The following PCDHGA1 variants were observed in gnomAD, a reference collection of about 807,000 sequenced individuals.
The protein encoded by PCDHGA1 is protocadherin gamma subfamily A, 1, also known as protocadherin gamma-A1.
PCDHGA1 carries 32 observed loss-of-function variants against 58.0 expected under a neutral mutation model. The ratio of observed to expected loss-of-function variants is 0.55; its 90% CI spans 0.42 to 0.74. PCDHGA1 has a LOEUF of 0.74. PCDHGA1 is among the 30% of genes least tolerant of loss of function. The probability of loss-of-function intolerance (pLI) is 0.00; values close to 1 mark genes in which losing one functional copy is unlikely to be tolerated. For missense variants in PCDHGA1, 1,205 were observed against 1,182.3 expected (o/e 1.02, Z -0.28); for synonymous variants, 498 against 501.1 (o/e 0.99, Z 0.08).
intron 1 of PCDHGA1, chr5:141,400,270 T>G: frequency 6.2e-7 from 1 of 1,614,058 alleles, no homozygotes; most frequent in Non-Finnish European, 8.5e-7. Flanking sequence ...GCGACGCTCC[T>G]CCAGCCCTGC....
intron 1 of PCDHGA1, chr5:141,345,270 G>C (rs760387404): frequency 6.2e-7 from 1 of 1,613,894 alleles, no homozygotes; most frequent in Non-Finnish European, 8.5e-7. Flanking sequence ...CCTGGACCGC[G>C]AACAAATATC....
At chr5:141,421,305 G>A in intron 1 of PCDHGA1, 23 of 1,613,652 alleles carry the variant, frequency 1.4e-5, no homozygotes, top group Non-Finnish European at 1.9e-5. Context: ...CGCTGCGGGG[G>A]TTCCGGGCCA....
chr5:141,341,547 T>G lies in PCDHGA1; in HGVS notation c.2421+8442T>G, dbSNP rs1274385616. The stretch of plus-strand genomic sequence containing the variant: ...TGGTGAATTATTTCTTGGTAGGTCT[T>G]AGTGTTCACAGGCTGTAAGAGGAAG... On this transcript the variant is annotated intron_variant, in intron 1 of 3. Coordinates refer to ENST00000517417, the MANE Select transcript of PCDHGA1 (RefSeq NM_018912.3). 4 of 1,431,758 alleles carry G rather than the reference T, an allele frequency of 2.8e-6. No homozygotes were observed. In the East Asian group the frequency reaches 9.6e-5, roughly 34 times the overall value. 88.7% of individuals were successfully genotyped at this position (1,431,758 alleles called of 1,614,324 possible).
Position 141,331,902 on chromosome 5 carries a change from T to C in PCDHGA1, c.1218T>C (p.Thr406=). 6.2e-7 allele frequency: 1 copy of C among 1,614,194 alleles called. No individual in the cohort carries two copies. Among genetic ancestry groups the C allele is most frequent in the Non-Finnish European group, 8.5e-7 (1 of 1,180,040 alleles). ...TTGATAATTATTACCGTTTAGTGACTGAAAGAACACTGGACAGAGAACTTA... is the reference window on the plus strand; with the variant it reads ...TTGATAATTATTACCGTTTAGTGACCGAAAGAACACTGGACAGAGAACTTA... ...KLVDNYYRLV[T]ERTLDRELIS... The change falls in exon 1 of 4, where the codon ACT becomes ACC. Residue 406 remains threonine, a synonymous_variant. Transcript: ENST00000517417.
chr5:141,428,090 G>A (rs1415146154), intron 1 of PCDHGA1: 1 of 1,608,870 alleles, frequency 6.2e-7, no homozygotes, highest in Non-Finnish European at 8.5e-7. Flanking sequence ...ACGCTTGGCT[G>A]TCCTACCACG....
intron 1 of PCDHGA1, chr5:141,423,287 C>T: frequency 6.3e-7 from 1 of 1,586,406 alleles, no homozygotes; most frequent in South Asian, 1.1e-5. Flanking sequence ...AACTCTGAAA[C>T]CTCAGACCTC....
intron 1 of PCDHGA1, among the ~76,000 whole-genome samples, chr5:141,353,748 C>A (rs557671529): frequency 6.6e-6 from 1 of 152,086 alleles, no homozygotes; most frequent in Non-Finnish European, 1.5e-5. Context: ...AATCTATAAA[C>A]ATGTTGAGAT....
chr5:141,422,275 A>G (rs367711513), intron 1 of PCDHGA1: 6 of 1,560,374 alleles, frequency 3.8e-6, no homozygotes, highest in East Asian at 2.2e-5. Flanking sequence ...AGAAATAACT[A>G]TCACCTCTTC....
rs189915173 is a variant in PCDHGA1 at position 141,359,776 on chromosome 5, C to A, written c.2421+26671C>A. On this transcript the variant is annotated intron_variant, in intron 1 of 3. Transcript: ENST00000517417. ...TCTAAAGCAGAGATGAAAGGAAGAA[C>A]CTATGCTGAATGCATCTTTTGAATT... Among the ~76,000 whole-genome samples, 214 of 152,230 alleles carry A rather than the reference C, an allele frequency of 1.4e-3. 1 individual carries two copies. The highest frequency in any genetic ancestry group is 4.8e-3 in the African/African-American group (200 of 41,544).
At chr5:141,439,631 A>G (rs1459977985) in intron 1 of PCDHGA1, among the ~76,000 whole-genome samples, 2 of 152,214 alleles carry the variant, frequency 1.3e-5, no homozygotes, top group African/African-American at 2.4e-5. Context: ...ATCCCCAGAC[A>G]TTCCGGCTTG....
chr5:141,394,083 G>T, intron 1 of PCDHGA1: 1 of 1,613,826 alleles, frequency 6.2e-7, no homozygotes, highest in Non-Finnish European at 8.5e-7. Flanking sequence ...CACAGTGATG[G>T]CCTCAGATCT....
intron 1 of PCDHGA1, chr5:141,389,813 C>G (rs575968401): frequency 1.3e-5 from 21 of 1,613,846 alleles, no homozygotes; most frequent in South Asian, 2.2e-5. Context: ...TTCTGGTCGC[C>G]GTGCGTGACG....
chr5:141,374,729 G>A, intron 1 of PCDHGA1: 2 of 1,610,396 alleles, frequency 1.2e-6, no homozygotes, highest in African/African-American at 2.7e-5. Context: ...TACTGCCATG[G>A]ATGGCGGCGA....
At chr5:141,335,938 T>A (rs938351319) in intron 1 of PCDHGA1, among the ~76,000 whole-genome samples, 7 of 152,220 alleles carry the variant, frequency 4.6e-5, no homozygotes, top group Non-Finnish European at 1.0e-4. Flanking sequence ...AATTGTGAGA[T>A]GCAACTAAAA....
intron 1 of PCDHGA1, chr5:141,355,670 C>G (rs1759931772): frequency 6.2e-7 from 1 of 1,614,014 alleles, no homozygotes; most frequent in Non-Finnish European, 8.5e-7. Context: ...CTTCCTGAAG[C>G]TTTTGATCCG....
At chr5:141,422,100 A>G (rs1019775470) in intron 1 of PCDHGA1, 2 of 1,609,786 alleles carry the variant, frequency 1.2e-6, no homozygotes, top group Non-Finnish European at 1.7e-6. Context: ...AGGCTTCTGA[A>G]ATATTCCAAT....
At chr5:141,372,202 G>T (rs765463778) in intron 1 of PCDHGA1, 2 of 1,613,574 alleles carry the variant, frequency 1.2e-6, no homozygotes, top group South Asian at 2.2e-5. Flanking sequence ...TACAACGCCT[G>T]GCTGTCCTAC....
At chr5:141,348,999 A>G (rs1758216854) in intron 1 of PCDHGA1, among the ~76,000 whole-genome samples, 1 of 152,172 alleles carries the variant, frequency 6.6e-6, no homozygotes, top group Non-Finnish European at 1.5e-5. Flanking sequence ...TACCTCTCCA[A>G]TATTTACCAG....
At chr5:141,438,763 G>C (rs537316602) in intron 1 of PCDHGA1, among the ~76,000 whole-genome samples, 1 of 149,962 alleles carries the variant, frequency 6.7e-6, no homozygotes, top group South Asian at 2.1e-4. Context: ...CTGGGTTCAA[G>C]CGATTCTCCT....
Sources: allele counts gnomAD v4.1 joint callset (sites outside exome capture counted in the v4.1 genomes callset), GRCh38; gene constraint gnomAD v4.1.1; transcripts MANE v1.5; gene names NCBI Gene and HGNC (gene_info 2026-07-23, HGNC 2026-07-21).